Variants in PLXNA4 observed in about 807,000 individuals in gnomAD.
PLXNA4 encodes plexin A4, also known as plexin-A4.
In PLXNA4, 44 loss-of-function variants were observed where a neutral mutation model predicts 191.8. That is an observed-to-expected ratio of 0.23 (90% CI 0.18 to 0.29). PLXNA4 has a LOEUF of 0.29. Ranked by LOEUF, PLXNA4 falls within the 10% of genes least tolerant of loss-of-function variation. The pLI is 1.00. For missense variants in PLXNA4, 1,800 were observed against 2,488.8 expected, an observed-to-expected ratio of 0.72 and a Z score of 5.89; for synonymous variants, 1,082 against 1,009.5, an observed-to-expected ratio of 1.07 and a Z score of -1.36.
chr7:132,422,815 A>AC lies in PLXNA4; in HGVS notation c.1371+66476dup, dbSNP rs551376256. 2.4e-4 allele frequency among the ~76,000 whole-genome samples: 37 copies of AC among 152,306 alleles called. No individual in the cohort carries two copies. The South Asian group carries it at 7.3e-3, about 30-fold the overall frequency. ...ATATCCCTATAAAGGGGGTATTATTACCCCACTGGGCAGAGGATCATAAAG... is the reference window on the plus strand; with the variant it reads ...ATATCCCTATAAAGGGGGTATTATTACCCCCACTGGGCAGAGGATCATAAAG... On this transcript the variant is annotated intron_variant, in intron 3 of 31. Transcript: ENST00000321063.
chr7:132,196,658 C>T (rs990097579), intron 13 of PLXNA4, among the ~76,000 whole-genome samples: 5 of 152,172 alleles, frequency 3.3e-5, no homozygotes, highest in African/African-American at 4.8e-5. Context: ...GATGGCCAGG[C>T]TAAAGGCTTC....
intron 3 of PLXNA4, among the ~76,000 whole-genome samples, chr7:132,302,527 A>C (rs572306938): frequency 3.9e-5 from 6 of 152,032 alleles, no homozygotes; most frequent in Non-Finnish European, 8.8e-5. Context: ...GGAAGGGATC[A>C]GAGCCACCAT....
intron 3 of PLXNA4, among the ~76,000 whole-genome samples, chr7:132,356,419 T>C (rs1284470051): frequency 6.6e-6 from 1 of 152,246 alleles, no homozygotes; most frequent in African/African-American, 2.4e-5. Context: ...TTCCTGCATT[T>C]GGTCAATGCT....
chr7:132,272,024 A>G (rs1286374603), intron 4 of PLXNA4, among the ~76,000 whole-genome samples: 2 of 152,226 alleles, frequency 1.3e-5, no homozygotes, highest in Admixed American at 6.5e-5. Flanking sequence ...AGGAGGGATC[A>G]GAGCACAGGG....
rs1802993061 is a variant in PLXNA4 at position 132,608,896 on chromosome 7, C to G, written c.-87+37032G>C. 2.0e-5 allele frequency among the ~76,000 whole-genome samples: 3 copies of G among 152,188 alleles called. No individual in the cohort carries two copies. The South Asian group carries it at 6.2e-4, about 31-fold the overall frequency. The stretch of plus-strand genomic sequence containing the variant: ...CCCTTCAGGGTCAGATGCAGTCCTG[C>G]TCTGCCGTGCCCAGGTGGGACTGAC... On this transcript the variant is annotated intron_variant, in intron 2 of 4. Coordinates refer to the PLXNA4 transcript ENST00000378539.
intron 1 of PLXNA4, among the ~76,000 whole-genome samples, chr7:132,539,226 C>T (rs1863507): frequency 0.051 from 7,747 of 152,224 alleles, 649 homozygotes; most frequent in African/African-American, 0.17. Context: ...CCACAAAGAC[C>T]GTGCCCTGTC....
At chr7:132,190,782 A>G (rs781285992) in intron 14 of PLXNA4, among the ~76,000 whole-genome samples, 6 of 152,208 alleles carry the variant, frequency 3.9e-5, no homozygotes, top group Non-Finnish European at 7.3e-5. Context: ...GTCCCTGCCA[A>G]GGACCACAGG....
intron 3 of PLXNA4, among the ~76,000 whole-genome samples, chr7:132,381,631 G>A (rs903116295): frequency 6.6e-6 from 1 of 152,164 alleles, no homozygotes; most frequent in African/African-American, 2.4e-5. Flanking sequence ...TATTAATAAG[G>A]CAAAGAATTT....
chr7:132,260,652 T>A (rs1170276392), intron 4 of PLXNA4, among the ~76,000 whole-genome samples: 1 of 150,998 alleles, frequency 6.6e-6, no homozygotes, highest in East Asian at 1.9e-4. Context: ...TGCACATACA[T>A]GTGTTGAACC....
At chr7:132,402,896 C>T (rs142933315) in intron 3 of PLXNA4, among the ~76,000 whole-genome samples, 122 of 152,354 alleles carry the variant, frequency 8.0e-4, no homozygotes, top group African/African-American at 2.7e-3. Flanking sequence ...ACCCATTGAC[C>T]CCCAATCCAG....
chr7:132,153,498 TGGGTTTCA>T (rs2116604842), intron 25 of PLXNA4, among the ~76,000 whole-genome samples: 1 of 152,042 alleles, frequency 6.6e-6, no homozygotes, highest in African/African-American at 2.4e-5. Context: ...GGCAGGGGTG[TGGGTTTCA>T]GGGATGCTCA....
At position 132,180,775 on chromosome 7, in the gene PLXNA4, A is replaced by G. The variant is rs375345579; in HGVS notation, c.3493-43T>C. 5.7e-6 allele frequency: 9 copies of G among 1,586,650 alleles called. No individual in the cohort carries two copies. The African/African-American group carries it at 1.1e-4, about 19-fold the overall frequency. ...CACCAGTTCCCACCCCAGAGTGAGG[A>G]CCACAGCTACCAGCTGGCTCTCATG... On this transcript the variant is annotated intron_variant, in intron 18 of 31. Coordinates refer to ENST00000321063, the MANE Select transcript of PLXNA4 (RefSeq NM_020911.2).
At chr7:132,272,326 A>G (rs1480146018) in intron 4 of PLXNA4, among the ~76,000 whole-genome samples, 1 of 152,238 alleles carries the variant, frequency 6.6e-6, no homozygotes, top group Non-Finnish European at 1.5e-5. Flanking sequence ...TTACAAGTAC[A>G]TTACAAACTT....
At chr7:132,175,808 T>C (rs1317909292) in intron 20 of PLXNA4, among the ~76,000 whole-genome samples, 1 of 152,220 alleles carries the variant, frequency 6.6e-6, no homozygotes, top group East Asian at 1.9e-4. Context: ...CACACACACA[T>C]ATACGTGCAT....
intron 3 of PLXNA4, among the ~76,000 whole-genome samples, chr7:132,334,348 C>T (rs1802730138): frequency 6.8e-6 from 1 of 148,100 alleles, no homozygotes; most frequent in Non-Finnish European, 1.5e-5. Flanking sequence ...GCCTCAACCT[C>T]CCAGGCTCAG....
intron 1 of PLXNA4, among the ~76,000 whole-genome samples, chr7:132,568,392 T>C (rs1408543348): frequency 1.3e-5 from 2 of 152,156 alleles, no homozygotes; most frequent in Non-Finnish European, 2.9e-5. Flanking sequence ...AATGGGATAA[T>C]AGTGTAGTCG....
At chr7:132,225,945 A>T (rs1798308363) in intron 8 of PLXNA4, among the ~76,000 whole-genome samples, 1 of 151,966 alleles carries the variant, frequency 6.6e-6, no homozygotes, top group Admixed American at 6.6e-5. Context: ...GTCTCTTTCC[A>T]TTAACCCTGT....
intron 2 of PLXNA4, among the ~76,000 whole-genome samples, chr7:132,497,961 G>C (rs1798095084): frequency 6.6e-6 from 1 of 152,168 alleles, no homozygotes; most frequent in East Asian, 1.9e-4. Flanking sequence ...AACCCAGTTA[G>C]ACAAACACAT....
At chr7:132,479,375 AAAACCCC>A (rs931746547) in intron 3 of PLXNA4, among the ~76,000 whole-genome samples, 1 of 152,200 alleles carries the variant, frequency 6.6e-6, no homozygotes, top group African/African-American at 2.4e-5. Flanking sequence ...GAGGTGGGGT[AAAACCCC>A]AAACCAACAC....
Sources: gnomAD v4.1 joint callset for allele counts (sites outside exome capture counted in the v4.1 genomes callset) on GRCh38, gnomAD v4.1.1 for gene constraint, MANE v1.5 for transcripts, NCBI Gene and HGNC (gene_info 2026-07-23, HGNC 2026-07-21) for gene names.